The following NUFIP2 variants were observed in gnomAD, a reference collection of about 807,000 sequenced individuals.
The protein encoded by NUFIP2 is nuclear FMR1 interacting protein 2.
A neutral mutation model predicts 56.9 loss-of-function variants in NUFIP2; 6 were observed. That is an observed-to-expected ratio of 0.11 (90% CI 0.06 to 0.21). The LOEUF (loss-of-function observed/expected upper bound fraction) is 0.21, where lower values mean the gene tolerates loss of function less well. NUFIP2 is among the 10% of genes least tolerant of loss of function. The probability of loss-of-function intolerance (pLI) is 1.00; values close to 1 mark genes in which losing one functional copy is unlikely to be tolerated. For missense variants in NUFIP2, 828 were observed against 826.8 expected (o/e 1.00, Z -0.02); for synonymous variants, 321 against 298.2 (o/e 1.08, Z -0.79).
intron 1 of NUFIP2, 24 bp from the exon 2 acceptor site, chr17:29,287,740 TAAAA>T (rs34613266): frequency 1.6e-6 from 2 of 1,288,540 alleles, no homozygotes; most frequent in African/African-American, 3.0e-5. Flanking sequence ...AAAAAAGGAT[TAAAA>T]AAAAAAATCA....
chr17:29,285,315 A>G (rs753322526), intron 2 of NUFIP2, among the ~76,000 whole-genome samples: 6 of 147,632 alleles, frequency 4.1e-5, no homozygotes, highest in Non-Finnish European at 7.5e-5. Flanking sequence ...CAAATAAGCA[A>G]ATGGGTGTGG....
Position 29,286,132 on chromosome 17 carries a change from A to G in NUFIP2, c.1862T>C (p.Ile621Thr), listed in dbSNP as rs765868706. 22 of 1,613,970 alleles carry G rather than the reference A, an allele frequency of 1.4e-5. No homozygotes were observed. The highest frequency in any genetic ancestry group is 6.7e-5 in the Admixed American group (4 of 59,984). The change falls in exon 2 of 4, where the codon ATA becomes ACA. Residue 621 changes from isoleucine (I) to threonine (T), a missense_variant. Transcript: ENST00000225388. ...ALVFLSKDYE[I>T]ESQNPLASPT... is the part of the protein sequence containing the mutation. ...AGAGGCCAGAGGATTTTGACTTTCT[A>G]TCTCGTAGTCCTTTGAGAGAAACAC...
At chr17:29,278,213 CT>C (rs1183539181) in intron 2 of NUFIP2, among the ~76,000 whole-genome samples, 1 of 151,892 alleles carries the variant, frequency 6.6e-6, no homozygotes, top group Admixed American at 6.6e-5. Context: ...TTATTTTTCT[CT>C]TTTCTATTGC....
At chr17:29,270,835 AAAGAAAAAGT>A (rs138803135) in intron 2 of NUFIP2, among the ~76,000 whole-genome samples, 2,446 of 152,276 alleles carry the variant, frequency 0.016, 28 homozygotes, top group Middle Eastern at 0.037. Flanking sequence ...AAAAGAAAGA[AAAGAAAAAGT>A]TAATCCAACT....
intron 2 of NUFIP2, among the ~76,000 whole-genome samples, chr17:29,281,787 A>T: frequency 6.7e-6 from 1 of 148,956 alleles, no homozygotes; most frequent in Non-Finnish European, 1.5e-5. Flanking sequence ...TTTTTTTAGA[A>T]GGAGCCTTGC....
Position 29,258,883 on chromosome 17 carries a change from T to C in NUFIP2, c.*5656A>G, listed in dbSNP as rs1045545505. ...AGGATTAATCTAAGACAGAAAACAG[T>C]TGTATTTTCATTCTTAAAATGCAAC... On this transcript the variant is annotated 3_prime_UTR_variant, in exon 4 of 4. Transcript: ENST00000225388. The C allele has an allele frequency of 6.6e-6, 1 of 152,190 alleles. No individual in the cohort carries two copies. Among genetic ancestry groups the C allele is most frequent in the African/African-American group, 2.4e-5 (1 of 41,442 alleles). 9.4% of individuals were successfully genotyped at this position (152,190 alleles called of 1,614,324 possible).
chr17:29,286,449 G>A lies in NUFIP2; in HGVS notation c.1545C>T (p.Pro515=). The change falls in exon 2 of 4, where the codon CCC becomes CCT. Residue 515 remains proline (P), a synonymous_variant. Transcript: ENST00000225388. The stretch of plus-strand genomic sequence containing the variant: ...CAGTAACAGTCTCAGGGCCAGCACT[G>A]GGCTCATTTATAAATGATAAACCCC... The part of the protein sequence containing the change: ...NQWGLSFINE[P]SAGPETVTGK... 6.2e-7 allele frequency: 1 copy of A among 1,614,082 alleles called. No homozygotes were observed. The highest frequency in any genetic ancestry group is 8.5e-7 in the Non-Finnish European group (1 of 1,180,006).
chr17:29,261,432 AC>A lies in NUFIP2; in HGVS notation c.*3106del, dbSNP rs34339676. On this transcript the variant is annotated 3_prime_UTR_variant, in exon 4 of 4. Coordinates refer to ENST00000225388, the MANE Select transcript of NUFIP2 (RefSeq NM_020772.3). The stretch of plus-strand genomic sequence containing the variant: ...TACATAAACACACACACACACACAC[AC>A]CCCTTTTTCAGTCTTTATAATGGAG... The A allele has an allele frequency of 1.3e-5, 2 of 148,262 alleles. No homozygotes were observed. Among genetic ancestry groups the A allele is most frequent in the African/African-American group, 2.5e-5 (1 of 39,736 alleles). 9.2% of individuals were successfully genotyped at this position (148,262 alleles called of 1,614,324 possible).
rs1555549641 is a variant in NUFIP2 at position 29,292,881 on chromosome 17, C to CT, written c.277+901_277+902insA. ...CGGGTTACACAACCCCGGCCGGCGA[C>CT]GGGGGGGGGGGCGGCCGCGGTGCGG... On this transcript the variant is annotated intron_variant, in intron 1 of 3. Transcript: ENST00000225388. Among the ~76,000 whole-genome samples the CT allele has an allele frequency of 2.4e-5, 2 of 81,670 alleles. 1 individual carries two copies. Among genetic ancestry groups the CT allele is most frequent in the African/African-American group, 9.4e-5 (2 of 21,306 alleles). 53.6% of individuals were successfully genotyped at this position (81,670 alleles called of 152,430 possible).
rs975279136 is a variant in NUFIP2, at chr17:29,256,732, A to G, written c.*7807T>C. The G allele has an allele frequency of 6.6e-6, 1 of 152,206 alleles. No individual in the cohort carries two copies. Among genetic ancestry groups the G allele is most frequent in the Non-Finnish European group, 1.5e-5 (1 of 68,022 alleles). The allele number at this position is 152,206 out of a possible 1,614,324, so 9.4% of individuals were successfully genotyped here. ...GGTAGTAGTACATCTACACATTATA[A>G]GTACACATACACAAAGTAAAGCTAT... On this transcript the variant is annotated 3_prime_UTR_variant, in exon 4 of 4. Coordinates refer to ENST00000225388, the MANE Select transcript of NUFIP2 (RefSeq NM_020772.3).
rs1161546163 is a variant in NUFIP2 at position 29,294,117 on chromosome 17, A to C, written c.-58T>G. 1 of 1,539,364 alleles carries C rather than the reference A, an allele frequency of 6.5e-7. No homozygotes were observed. Among genetic ancestry groups the C allele is most frequent in the African/African-American group, 1.4e-5 (1 of 73,300 alleles). On this transcript the variant is annotated 5_prime_UTR_variant, in exon 1 of 4. Coordinates refer to ENST00000225388, the MANE Select transcript of NUFIP2 (RefSeq NM_020772.3). ...CGGGCTGCTGCACCGTCAGGATCTG[A>C]GACTGCTTCTCAGGGCTCACTCAGT...
At chr17:29,283,531 C>T (rs753587142) in intron 2 of NUFIP2, among the ~76,000 whole-genome samples, 11 of 152,174 alleles carry the variant, frequency 7.2e-5, no homozygotes, top group Admixed American at 3.9e-4. Flanking sequence ...GATCCTCCCA[C>T]TTCGGCCTCC....
rs887762182 is a variant in NUFIP2, at chr17:29,261,819, G to A, written c.*2720C>T. 1 of 152,536 alleles carries A rather than the reference G, an allele frequency of 6.6e-6. No individual in the cohort carries two copies. The highest frequency in any genetic ancestry group is 2.4e-5 in the African/African-American group (1 of 41,398). The allele number at this position is 152,536 out of a possible 1,614,324, so 9.4% of individuals were successfully genotyped here. Reference sequence around the variant, plus strand: ...AAATACTGACAGTTAATATGATGGGGCACTAGGGTTCTCAGAAAGTTAACA... The same window carrying A: ...AAATACTGACAGTTAATATGATGGGACACTAGGGTTCTCAGAAAGTTAACA... On this transcript the variant is annotated 3_prime_UTR_variant, in exon 4 of 4. Transcript: ENST00000225388.
chr17:29,265,935 C>G (rs1022422657), intron 3 of NUFIP2, among the ~76,000 whole-genome samples: 1 of 152,070 alleles, frequency 6.6e-6, no homozygotes, highest in Non-Finnish European at 1.5e-5. Context: ...GGCCATTTTA[C>G]AGTAAAAACA....
intron 2 of NUFIP2, among the ~76,000 whole-genome samples, chr17:29,273,159 C>A (rs1471811934): frequency 1.3e-5 from 2 of 152,090 alleles, no homozygotes; most frequent in Non-Finnish European, 2.9e-5. Context: ...TCTGCCTCAG[C>A]CTCCCAAGTA....
In NUFIP2 at chr17:29,263,532, GAT is replaced by G. The variant is rs2069016207; in HGVS notation, c.*1005_*1006del. ...TTTAGATTTTGCTGAGAAATTAAAA[GAT>G]AATTTACAGAAAGGTCTAAGTTTGT... is the stretch of plus-strand genomic sequence containing the variant. On this transcript the variant is annotated 3_prime_UTR_variant, in exon 4 of 4. Transcript: ENST00000225388. The G allele has an allele frequency of 6.6e-6, 1 of 152,488 alleles. No homozygotes were observed. The highest frequency in any genetic ancestry group is 2.4e-5 in the African/African-American group (1 of 41,410). 9.4% of individuals were successfully genotyped at this position (152,488 alleles called of 1,614,324 possible). A position where few individuals can be genotyped will look rare whatever the true frequency, so the allele number is the denominator to read the frequency against.
intron 3 of NUFIP2, among the ~76,000 whole-genome samples, chr17:29,267,203 C>T (rs1490394570): frequency 1.3e-5 from 2 of 150,518 alleles, no homozygotes; most frequent in Non-Finnish European, 2.9e-5. Flanking sequence ...CGTGCCCGGC[C>T]CTACATTTTT....
At chr17:29,269,791 G>A (rs975560651) in intron 2 of NUFIP2, among the ~76,000 whole-genome samples, 1 of 151,996 alleles carries the variant, frequency 6.6e-6, no homozygotes, top group African/African-American at 2.4e-5. Context: ...CGCGATCTCA[G>A]CTCACTGCAA....
chr17:29,267,382 A>T, intron 3 of NUFIP2, 116 bp downstream of exon 3: 1 of 621,230 alleles, frequency 1.6e-6, no homozygotes, highest in Non-Finnish European at 2.8e-6. Context: ...CAGTTATTAA[A>T]TAACTCAAAA....
Sources: allele counts gnomAD v4.1 joint callset (sites outside exome capture counted in the v4.1 genomes callset), GRCh38; gene constraint gnomAD v4.1.1; transcripts MANE v1.5; gene names NCBI Gene and HGNC (gene_info 2026-07-23, HGNC 2026-07-21).